The following HSPBP1 variants were observed in gnomAD, a reference collection of about 807,000 sequenced individuals.
HSPBP1 encodes the protein HSPA (Hsp70) binding protein 1.
In HSPBP1, 31 loss-of-function variants were observed where a neutral mutation model predicts 41.7. The ratio of observed to expected loss-of-function variants is 0.74; its 90% CI spans 0.56 to 1.00. HSPBP1 has a LOEUF of 1.00. Among genes scored for constraint, HSPBP1 ranks in the 50% least tolerant of loss-of-function variants. The pLI is 0.00. For missense variants in HSPBP1, 439 were observed against 487.9 expected (o/e 0.90, Z 0.94); for synonymous variants, 199 against 214.4 (o/e 0.93, Z 0.63).
At position 55,268,922 on chromosome 19, in the gene HSPBP1, C is replaced by T. The variant is rs764538164; in HGVS notation, c.641-2636G>A. ...CTGGCTTCAAGTGATCCACCTGTCT[C>T]GGCCTCCCAAAATGTTGAGATTATA... On this transcript the variant is annotated intron_variant, in intron 4 of 7. Transcript: ENST00000433386. This position sits in a 1 kb window ranked among gnomAD's most constrained non-coding sequence, Gnocchi z 4.5. Among the ~76,000 whole-genome samples the T allele has an allele frequency of 6.6e-6, 1 of 152,058 alleles. No homozygotes were observed. Among genetic ancestry groups the T allele is most frequent in the Non-Finnish European group, 1.5e-5 (1 of 68,028 alleles).
chr19:55,276,826 GCC>G (rs2088086072), intron 3 of HSPBP1, among the ~76,000 whole-genome samples: 1 of 152,014 alleles, frequency 6.6e-6, no homozygotes, highest in Non-Finnish European at 1.5e-5. Context: ...ACTCCGTCCA[GCC>G]CCTGTCCAAA....
intron 4 of HSPBP1, among the ~76,000 whole-genome samples, 173 bp downstream of exon 4, chr19:55,274,225 C>T (rs919673276): frequency 1.3e-5 from 2 of 152,204 alleles, no homozygotes; most frequent in Non-Finnish European, 1.5e-5. Context: ...GGGGTTTGGC[C>T]GAGTGCGCCA....
intron 4 of HSPBP1, among the ~76,000 whole-genome samples, chr19:55,269,059 G>T (rs898250465): frequency 6.6e-6 from 1 of 152,140 alleles, no homozygotes; most frequent in Non-Finnish European, 1.5e-5. Context: ...TGTAAGCAAG[G>T]CCTGTCAGCT....
rs1160742120 is a variant in HSPBP1 at position 55,279,701 on chromosome 19, G to A, written c.-93C>T. 6.5e-7 allele frequency: 1 copy of A among 1,538,476 alleles called. No homozygotes were observed. ...CGTCCTGATGGGTCGATTCTTGAGG[G>A]TCTGCTGAGAAGGCGGCGTTTCAGG... On this transcript the variant is annotated splice_region_variant and 5_prime_UTR_variant, in exon 2 of 8. Coordinates refer to ENST00000433386, the MANE Select transcript of HSPBP1 (RefSeq NM_012267.5).
chr19:55,278,442 T>A (rs1182452493), intron 2 of HSPBP1, among the ~76,000 whole-genome samples: 1 of 152,212 alleles, frequency 6.6e-6, no homozygotes, highest in Non-Finnish European at 1.5e-5. Flanking sequence ...ATGCTCTGTA[T>A]ACAGTAATTG....
Position 55,265,884 on chromosome 19 carries a change from A to G in HSPBP1, c.893+2T>C, listed in dbSNP as rs1333470451. ...CCCCGTCCTCTCAAGGAGCCAAAGT[A>G]CCTGCACAGGGCTCCAAGCACGTGC... On this transcript the variant is annotated splice_donor_variant, in intron 6 of 7. Transcript: ENST00000433386. LOFTEE classifies it high-confidence loss of function. The G allele has an allele frequency of 1.9e-6, 3 of 1,601,012 alleles. No homozygotes were observed. The highest frequency in any genetic ancestry group is 2.2e-5 in the East Asian group (1 of 44,460).
rs1425207151 is a variant in HSPBP1 at position 55,268,021 on chromosome 19, A to G, written c.641-1735T>C. ...CAGAAGCTGCTAGTAGCTTGTGGCC[A>G]CTAAACACCTGATATGTGGCCAGTG... On this transcript the variant is annotated intron_variant, in intron 4 of 7. Transcript: ENST00000433386. The surrounding 1 kb of genome is among the most constrained non-coding windows in gnomAD (Gnocchi z 4.5). Among the ~76,000 whole-genome samples, 1 of 152,240 alleles carries G rather than the reference A, an allele frequency of 6.6e-6. No individual in the cohort carries two copies. Among genetic ancestry groups the G allele is most frequent in the African/African-American group, 2.4e-5 (1 of 41,470 alleles).
rs1377079970 is a variant in HSPBP1 at position 55,262,594 on chromosome 19, G to A, written c.*14C>T. 5.0e-6 allele frequency: 8 copies of A among 1,613,420 alleles called. No individual in the cohort carries two copies. In the South Asian group the frequency reaches 7.7e-5, roughly 16 times the overall value. The stretch of plus-strand genomic sequence containing the variant: ...GGGGTTCCCACGGAGAAGGGGGCAA[G>A]AAGCCACCTGGTTTCACCGATCCAT... On this transcript the variant is annotated 3_prime_UTR_variant, in exon 8 of 8. Transcript: ENST00000433386.
chr19:55,271,088 AAACAGGTAT>A (rs1321155350), intron 4 of HSPBP1, among the ~76,000 whole-genome samples: 1 of 152,336 alleles, frequency 6.6e-6, no homozygotes, highest in African/African-American at 2.4e-5. Context: ...CTGGAAGCAG[AAACAGGTAT>A]AACAGTGGTT....
intron 1 of HSPBP1, 144 bp downstream of exon 1, chr19:55,279,890 CT>C: frequency 1.7e-6 from 1 of 592,856 alleles, no homozygotes; most frequent in Non-Finnish European, 2.9e-6. Flanking sequence ...AACAACCCCC[CT>C]TCCCCATCTC....
In HSPBP1 at chr19:55,266,219, C is replaced by A; in HGVS notation, c.708G>T (p.Met236Ile). The A allele has an allele frequency of 1.3e-6, 2 of 1,585,024 alleles. No homozygotes were observed. Among genetic ancestry groups the A allele is most frequent in the South Asian group, 1.1e-5 (1 of 87,006 alleles). The stretch of plus-strand genomic sequence containing the variant: ...TCTGCACCTGCTGCTGCATGGCCCT[C>A]ATCAACACAGAGAAGCCGTCCAGGC... ...FLRLDGFSVL[M>I]RAMQQQVQKL... Residue 236 changes from methionine to isoleucine, a missense_variant, in exon 5 of 8, where the codon ATG becomes ATT. Met to Ile is a conservative substitution (Grantham distance 10). Coordinates refer to ENST00000433386, the MANE Select transcript of HSPBP1 (RefSeq NM_012267.5).
chr19:55,278,519 CATT>C (rs1333465582), intron 2 of HSPBP1, among the ~76,000 whole-genome samples: 15 of 152,236 alleles, frequency 9.9e-5, no homozygotes, highest in East Asian at 1.9e-4. Context: ...AGGTATATAT[CATT>C]GTTATCCCCA....
chr19:55,277,449 G>A (rs370783316), intron 3 of HSPBP1, among the ~76,000 whole-genome samples, 193 bp downstream of exon 3: 10 of 151,908 alleles, frequency 6.6e-5, no homozygotes, highest in African/African-American at 2.2e-4. Context: ...GAGCTGATCA[G>A]GGAAGTGGGG....
intron 5 of HSPBP1, 56 bp downstream of exon 5, chr19:55,266,075 C>T (rs1360948474): frequency 1.1e-5 from 17 of 1,574,754 alleles, no homozygotes; most frequent in Non-Finnish European, 1.4e-5. Flanking sequence ...CCCACACCTG[C>T]ACCCACCCCA....
At chr19:55,269,644 A>G (rs1234523649) in intron 4 of HSPBP1, among the ~76,000 whole-genome samples, 1 of 152,228 alleles carries the variant, frequency 6.6e-6, no homozygotes, top group Non-Finnish European at 1.5e-5. Flanking sequence ...TGCAGATTGC[A>G]TGGTTCCAAG....
chr19:55,265,351 C>T lies in HSPBP1; in HGVS notation c.932G>A (p.Arg311Gln), dbSNP rs1241190080. ...CTCCTCCAGGCCCAGTTCCGGCTCC[C>T]GACACTCGCGCACACCCTGCGGAAA... ...TDFPQGVRECREPELGLEELL... is the reference protein window; with the variant it reads ...TDFPQGVRECQEPELGLEELL... Residue 311 changes from arginine to glutamine, a missense_variant, in exon 7 of 8, where the codon CGG (arginine) becomes CAG (glutamine). Coordinates refer to ENST00000433386, the MANE Select transcript of HSPBP1 (RefSeq NM_012267.5). The T allele has an allele frequency of 6.8e-6, 11 of 1,613,338 alleles. No homozygotes were observed. Among genetic ancestry groups the T allele is most frequent in the Middle Eastern group, 1.7e-4 (1 of 6,058 alleles).
chr19:55,265,150 G>A, intron 7 of HSPBP1, 128 bp downstream of exon 7: 4 of 581,996 alleles, frequency 6.9e-6, no homozygotes, highest in South Asian at 2.2e-5. Context: ...TGGAGCCCCT[G>A]TCCCCTCCCC....
At chr19:55,269,888 C>T (rs1600140772) in intron 4 of HSPBP1, among the ~76,000 whole-genome samples, 1 of 152,094 alleles carries the variant, frequency 6.6e-6, no homozygotes, top group South Asian at 2.1e-4. Context: ...GTAGGTTCAT[C>T]GATTGTAATA....
In HSPBP1 at chr19:55,262,341, AAGG is replaced by A. The variant is rs2087666953; in HGVS notation, c.*264_*266del. The A allele has an allele frequency of 3.1e-6, 4 of 1,282,506 alleles. No homozygotes were observed. The highest frequency in any genetic ancestry group is 3.0e-5 in the African/African-American group (2 of 66,674). The allele number at this position is 1,282,506 out of a possible 1,614,324, so 79.4% of individuals were successfully genotyped here. A position where few individuals can be genotyped will look rare whatever the true frequency, so the allele number is the denominator to read the frequency against. ...AAAGGAGATGACAAAGGCGGCAGTG[AAGG>A]AGGAGAAGGAGGAAGAGAAACACCT... On this transcript the variant is annotated 3_prime_UTR_variant, in exon 8 of 8. Transcript: ENST00000433386.
Sources: allele counts gnomAD v4.1 joint callset (sites outside exome capture counted in the v4.1 genomes callset), GRCh38; gene constraint gnomAD v4.1.1; non-coding constraint Gnocchi (gnomAD v3.1); transcripts MANE v1.5; gene names NCBI Gene and HGNC (gene_info 2026-07-23, HGNC 2026-07-21).